AGTPBP1: variants seen among roughly 807,000 people sequenced by gnomAD.
AGTPBP1 encodes the protein cytosolic carboxypeptidase 1.
A neutral mutation model predicts 143.9 loss-of-function variants in AGTPBP1; 70 were observed. The ratio of observed to expected loss-of-function variants is 0.49; its 90% confidence interval spans 0.40 to 0.59. The LOEUF (loss-of-function observed/expected upper bound fraction) is 0.59. AGTPBP1 is among the 20% of genes least tolerant of loss of function. AGTPBP1 has a pLI of 0.00. For synonymous variants in AGTPBP1, 463 were observed against 500.2 expected, an observed-to-expected ratio of 0.93 and a Z score of 0.99; for missense variants, 1,229 against 1,464.5, an observed-to-expected ratio of 0.84 and a Z score of 2.62.
chr9:85,764,397 A>G, the AGTPBP1 span, among the ~76,000 whole-genome samples: 2 of 151,992 alleles, frequency 1.3e-5, no homozygotes, highest in Admixed American at 6.6e-5. Context: ...GCACATGGTG[A>G]TGAGCGCCTG....
the AGTPBP1 span, among the ~76,000 whole-genome samples, chr9:85,768,728 C>A: frequency 6.6e-6 from 1 of 151,938 alleles, no homozygotes; most frequent in African/African-American, 2.4e-5. Flanking sequence ...GGCTGGTGAA[C>A]ATTTTTCTTT....
At chr9:85,729,812 T>C (rs185936530) in intron 1 of AGTPBP1, among the ~76,000 whole-genome samples, 42 of 152,280 alleles carry the variant, frequency 2.8e-4, no homozygotes, top group Admixed American at 6.5e-4. Context: ...GAAATGGAAT[T>C]CAAGACCACA....
intron 17 of AGTPBP1, among the ~76,000 whole-genome samples, chr9:85,607,552 T>C (rs1211036644): frequency 6.6e-6 from 1 of 152,114 alleles, no homozygotes; most frequent in East Asian, 1.9e-4. Context: ...TAAACCTTCA[T>C]GTATGTAAAA....
intron 17 of AGTPBP1, among the ~76,000 whole-genome samples, chr9:85,604,620 TC>T (rs1380615749): frequency 6.6e-6 from 1 of 151,986 alleles, no homozygotes; most frequent in Non-Finnish European, 1.5e-5. Flanking sequence ...AAACATGACC[TC>T]ACCAAATGAA....
At position 85,687,760 on chromosome 9, in the gene AGTPBP1, T is replaced by C. The variant is rs1835571860; in HGVS notation, c.157+4929A>G. Among the ~76,000 whole-genome samples, 3 of 151,860 alleles carry C rather than the reference T, an allele frequency of 2.0e-5. No homozygotes were observed. In the East Asian group the frequency reaches 5.8e-4, roughly 29 times the overall value. On this transcript the variant is annotated intron_variant, in intron 3 of 25. Transcript: ENST00000357081. ...TGGCTTTGAATGCCTCCAGTAGAAATAAAGGTCTCAAAATAAATAATCTAG... is the reference window on the plus strand; with the variant it reads ...TGGCTTTGAATGCCTCCAGTAGAAACAAAGGTCTCAAAATAAATAATCTAG...
chr9:85,660,890 T>C, intron 9 of AGTPBP1, 46 bp downstream of exon 9: 1 of 1,333,906 alleles, frequency 7.5e-7, no homozygotes, highest in Non-Finnish European at 1.0e-6. Flanking sequence ...ATAAATAGAA[T>C]TCTCAGAAAA....
In AGTPBP1 at chr9:85,689,442, G is replaced by A. The variant is rs62569236; in HGVS notation, c.157+3247C>T. ...AAATAATGTATTATTCATAATAGCT[G>A]CATAATATGGCTATAAATTTCCACT... On this transcript the variant is annotated intron_variant, in intron 3 of 25. Transcript: ENST00000357081. Among the ~76,000 whole-genome samples the A allele has an allele frequency of 1.8e-3, 277 of 152,200 alleles. 1 individual carries two copies. Among genetic ancestry groups the A allele is most frequent in the Non-Finnish European group, 3.2e-3 (216 of 68,008 alleles).
At chr9:85,753,569 T>C in the AGTPBP1 span, 2 of 1,038,084 alleles carry the variant, frequency 1.9e-6, no homozygotes, top group Admixed American at 2.8e-5. Flanking sequence ...CTGGTCAACA[T>C]GGTAAAACCC....
chr9:85,570,048 A>G (rs1248122844), intron 25 of AGTPBP1, among the ~76,000 whole-genome samples: 1 of 152,080 alleles, frequency 6.6e-6, no homozygotes, highest in Non-Finnish European at 1.5e-5. Context: ...CCCTCTGTTC[A>G]TGCCTGAAAC....
chr9:85,669,418 T>C (rs1385243772), intron 8 of AGTPBP1, 67 bp downstream of exon 8: 7 of 914,160 alleles, frequency 7.7e-6, no homozygotes, highest in South Asian at 3.2e-5. Context: ...TCATTGTACA[T>C]ATCAAGATAA....
At chr9:85,649,612 A>G (rs1285881670) in intron 11 of AGTPBP1, among the ~76,000 whole-genome samples, 2 of 152,164 alleles carry the variant, frequency 1.3e-5, no homozygotes, top group Non-Finnish European at 2.9e-5. Context: ...ACTACGGTAA[A>G]TAATAATGGT....
At chr9:85,611,015 TAAG>T (rs1038148085) in intron 17 of AGTPBP1, among the ~76,000 whole-genome samples, 1 of 151,978 alleles carries the variant, frequency 6.6e-6, no homozygotes, top group African/African-American at 2.4e-5. Flanking sequence ...TACATGGAAA[TAAG>T]AAGAAAACTC....
intron 11 of AGTPBP1, among the ~76,000 whole-genome samples, chr9:85,653,805 C>G (rs1336289603): frequency 6.6e-6 from 1 of 152,150 alleles, no homozygotes; most frequent in Non-Finnish European, 1.5e-5. Context: ...TGTTCCATGC[C>G]CCTCTTACCC....
At chr9:85,682,376 C>A (rs1010786442) in intron 3 of AGTPBP1, among the ~76,000 whole-genome samples, 8 of 152,006 alleles carry the variant, frequency 5.3e-5, no homozygotes, top group Admixed American at 2.6e-4. Flanking sequence ...GGAAAAAAAA[C>A]TACTCTTTTC....
chr9:85,639,689 A>G (rs986194264), intron 13 of AGTPBP1, among the ~76,000 whole-genome samples: 5 of 152,232 alleles, frequency 3.3e-5, no homozygotes, highest in Admixed American at 3.3e-4. Context: ...GAAAAACAAA[A>G]TATAACAAAA....
At chr9:85,786,550 A>T in the AGTPBP1 span, 1 of 1,613,930 alleles carries the variant, frequency 6.2e-7, no homozygotes, top group Non-Finnish European at 8.5e-7. Context: ...CCATCGAAGT[A>T]TCTAGAAAAC....
At position 85,657,608 on chromosome 9, in the gene AGTPBP1, C is replaced by T; in HGVS notation, c.736G>A (p.Val246Ile). ...ACATAAATTGTTAAAAGCACTTGGA[C>T]ATATCCTCTGTCTACAGCTCTCCTG... ...NARRAVDRGYVQVLLTIYVDW... is the reference protein window; with the variant it reads ...NARRAVDRGYIQVLLTIYVDW... The change falls in exon 10 of 26, where the codon GTC (valine) becomes ATC (isoleucine). Residue 246 changes from valine to isoleucine, a missense_variant. Transcript: ENST00000357081. 1 of 1,613,874 alleles carries T rather than the reference C, an allele frequency of 6.2e-7. No homozygotes were observed. Among genetic ancestry groups the T allele is most frequent in the South Asian group, 1.1e-5 (1 of 91,050 alleles).
At chr9:85,581,151 G>A (rs1377497722) in intron 23 of AGTPBP1, among the ~76,000 whole-genome samples, 3 of 152,198 alleles carry the variant, frequency 2.0e-5, no homozygotes, top group Non-Finnish European at 4.4e-5. Context: ...AAGAAGATGT[G>A]CTTTGAAGTT....
At chr9:85,771,177 A>C in the AGTPBP1 span, among the ~76,000 whole-genome samples, 1 of 152,212 alleles carries the variant, frequency 6.6e-6, no homozygotes, top group Non-Finnish European at 1.5e-5. Context: ...TCAGACAATC[A>C]ATGAAAAATA....
Sources: gnomAD v4.1 joint callset for allele counts (sites outside exome capture counted in the v4.1 genomes callset) on GRCh38, gnomAD v4.1.1 for gene constraint, MANE v1.5 for transcripts, NCBI Gene and HGNC (gene_info 2026-07-23, HGNC 2026-07-21) for gene names.